Variants in FHIT observed in about 807,000 individuals in gnomAD.
FHIT encodes the protein fragile histidine triad diadenosine triphosphatase, also known as bis(5'-adenosyl)-triphosphatase.
A neutral mutation model predicts 17.9 loss-of-function variants in FHIT; 19 were observed. The observed-to-expected ratio is 1.06, with a 90% CI of 0.74 to 1.56. The LOEUF (loss-of-function observed/expected upper bound fraction) is 1.56. FHIT is among the 40% of genes most tolerant of loss of function. The pLI is 0.00. For missense variants in FHIT, 248 were observed against 189.2 expected, an observed-to-expected ratio of 1.31 and a Z score of -1.82; for synonymous variants, 81 against 69.7, an observed-to-expected ratio of 1.16 and a Z score of -0.81.
At chr3:60,875,374 T>C (rs1704598926) in intron 3 of FHIT, among the ~76,000 whole-genome samples, 1 of 152,176 alleles carries the variant, frequency 6.6e-6, no homozygotes, top group African/African-American at 2.4e-5. Context: ...AACCACTTAA[T>C]TGAATGGCTG....
At chr3:59,755,870 C>T (rs577206721) in intron 8 of FHIT, among the ~76,000 whole-genome samples, 5 of 151,788 alleles carry the variant, frequency 3.3e-5, no homozygotes, top group African/African-American at 1.2e-4. Context: ...AGGTTATCTA[C>T]GGATCATCCA....
chr3:60,731,726 C>T (rs782712818), intron 4 of FHIT, among the ~76,000 whole-genome samples: 3 of 152,088 alleles, frequency 2.0e-5, no homozygotes, highest in Non-Finnish European at 2.9e-5. Context: ...TGCTGATCAC[C>T]GGTTTTAGGT....
chr3:59,971,431 T>C (rs1435436610), intron 7 of FHIT, among the ~76,000 whole-genome samples: 1 of 152,058 alleles, frequency 6.6e-6, no homozygotes, highest in Non-Finnish European at 1.5e-5. Context: ...AGGGTCCTGG[T>C]TCAAGAGGTG....
intron 1 of FHIT, among the ~76,000 whole-genome samples, chr3:61,216,900 A>C (rs890681911): frequency 2.0e-5 from 3 of 152,020 alleles, no homozygotes; most frequent in East Asian, 1.9e-4. Context: ...AAGGACAAAA[A>C]ACCAAACACC....
chr3:60,468,282 C>A lies in FHIT; in HGVS notation c.103+68578G>T, dbSNP rs1331779661. On this transcript the variant is annotated intron_variant, in intron 5 of 9. Transcript: ENST00000492590. ...CTACATCTTTCGATTAGAGTTTAGT[C>A]CATTTACATTCAATGTTATTATTGA... 2.0e-5 allele frequency among the ~76,000 whole-genome samples: 3 copies of A among 152,156 alleles called. No homozygotes were observed. The East Asian group carries it at 5.8e-4, about 29-fold the overall frequency.
chr3:60,876,626 G>A (rs1362123740), intron 3 of FHIT, among the ~76,000 whole-genome samples: 4 of 152,292 alleles, frequency 2.6e-5, no homozygotes, highest in South Asian at 2.1e-4. Flanking sequence ...GTGTATTTAA[G>A]TAGACATTAT....
intron 2 of FHIT, among the ~76,000 whole-genome samples, chr3:61,127,250 G>A (rs908316206): frequency 3.9e-5 from 6 of 152,172 alleles, no homozygotes; most frequent in Admixed American, 2.6e-4. Context: ...AGCCATAGTG[G>A]TGGAGGTGAT....
chr3:60,489,015 T>C (rs1383883613), intron 5 of FHIT, among the ~76,000 whole-genome samples: 2 of 152,184 alleles, frequency 1.3e-5, no homozygotes, highest in African/African-American at 4.8e-5. Flanking sequence ...GGTCAAGGAT[T>C]GAACCAGATG....
rs558678223 is a variant in FHIT, at chr3:60,540,853, G to A, written c.-17-3874C>T. ...GTTTGCCCCAGTGGTACAAGATAAT[G>A]GTTTTTAGAACATTTACAACCAGCT... On this transcript the variant is annotated intron_variant, in intron 4 of 9. Transcript: ENST00000492590. 1.5e-4 allele frequency among the ~76,000 whole-genome samples: 23 copies of A among 152,192 alleles called. 1 individual carries two copies. The East Asian group carries it at 4.4e-3, about 29-fold the overall frequency.
intron 2 of FHIT, among the ~76,000 whole-genome samples, chr3:61,138,366 G>A (rs1181132000): frequency 6.6e-6 from 1 of 152,158 alleles, no homozygotes; most frequent in African/African-American, 2.4e-5. Context: ...AGGGGCCATG[G>A]GCTGAGCAGA....
At chr3:60,352,017 C>G (rs143129206) in intron 5 of FHIT, among the ~76,000 whole-genome samples, 137 of 152,264 alleles carry the variant, frequency 9.0e-4, no homozygotes, top group African/African-American at 3.1e-3. Flanking sequence ...GTAATTAGCT[C>G]TTCCGGTGAC....
At chr3:60,787,004 G>GA (rs11445450) in intron 4 of FHIT, among the ~76,000 whole-genome samples, 42,191 of 135,542 alleles carry the variant, frequency 0.31, 6,359 homozygotes, top group Middle Eastern at 0.36. Flanking sequence ...AAGACAAAAA[G>GA]AAAAAAAAAA....
rs1450249189 is a variant in FHIT, at chr3:59,999,528, A to G, written c.279+11843T>C. On this transcript the variant is annotated intron_variant, in intron 7 of 9. Transcript: ENST00000492590. ...CAGTTAAGCATATTAAGAAACAACA[A>G]TAACTGAATATTTTAGAGTGGATGA... is the stretch of plus-strand genomic sequence containing the variant. Among the ~76,000 whole-genome samples the G allele has an allele frequency of 7.2e-5, 11 of 152,152 alleles. No homozygotes were observed. In the East Asian group the frequency reaches 1.9e-3, roughly 27 times the overall value.
intron 4 of FHIT, among the ~76,000 whole-genome samples, chr3:60,686,575 A>G (rs942921383): frequency 6.6e-6 from 1 of 151,948 alleles, no homozygotes; most frequent in African/African-American, 2.4e-5. Flanking sequence ...TCTGTTCTTC[A>G]TAGAGAAAAT....
chr3:60,928,707 A>G (rs1458325448), intron 3 of FHIT, among the ~76,000 whole-genome samples: 1 of 152,142 alleles, frequency 6.6e-6, no homozygotes, highest in African/African-American at 2.4e-5. Context: ...CAGGCTCTGA[A>G]ATTGAGGCAA....
intron 3 of FHIT, among the ~76,000 whole-genome samples, chr3:60,889,701 G>A (rs1705413768): frequency 6.6e-6 from 1 of 152,148 alleles, no homozygotes; most frequent in African/African-American, 2.4e-5. Context: ...AATTGTATAT[G>A]CAGCCATTCC....
At chr3:59,821,759 A>ATTT (rs1331324441) in intron 8 of FHIT, among the ~76,000 whole-genome samples, 1 of 151,562 alleles carries the variant, frequency 6.6e-6, no homozygotes, top group African/African-American at 2.4e-5. Flanking sequence ...TTTTTTTAAA[A>ATTT]AAAATATATA....
chr3:59,750,172 A>G, intron 9 of FHIT: 1 of 226,502 alleles, frequency 4.4e-6, no homozygotes, highest in Non-Finnish European at 8.8e-6. Flanking sequence ...TGACAAAACA[A>G]AGCCTACAGG....
intron 5 of FHIT, among the ~76,000 whole-genome samples, chr3:60,210,284 C>A (rs2107514203): frequency 6.6e-6 from 1 of 152,132 alleles, no homozygotes; most frequent in Non-Finnish European, 1.5e-5. Flanking sequence ...ATTCCTTAGA[C>A]TTTAAACCAG....
Sources: allele counts gnomAD v4.1 joint callset (sites outside exome capture counted in the v4.1 genomes callset), GRCh38; gene constraint gnomAD v4.1.1; transcripts MANE v1.5; gene names NCBI Gene and HGNC (gene_info 2026-07-23, HGNC 2026-07-21).